The following ONECUT1 variants were observed in gnomAD, a reference collection of about 807,000 sequenced individuals.
ONECUT1 encodes the protein hepatocyte nuclear factor 6.
ONECUT1 carries 12 observed loss-of-function variants against 25.6 expected under a neutral mutation model. The observed-to-expected ratio is 0.47, with a 90% CI of 0.30 to 0.76. The LOEUF (loss-of-function observed/expected upper bound fraction) is 0.76, where lower values mean the gene tolerates loss of function less well. ONECUT1 is among the 30% of genes least tolerant of loss of function. The pLI, the probability that ONECUT1 is intolerant of heterozygous loss-of-function variation, is 0.07. For missense variants in ONECUT1, 620 were observed against 651.2 expected, an observed-to-expected ratio of 0.95 and a Z score of 0.52; for synonymous variants, 285 against 270.2, an observed-to-expected ratio of 1.05 and a Z score of -0.54.
intron 1 of ONECUT1, among the ~76,000 whole-genome samples, chr15:52,760,651 T>C (rs2083700575): frequency 6.6e-6 from 1 of 151,926 alleles, no homozygotes; most frequent in Admixed American, 6.6e-5. Flanking sequence ...TTGTGAAGGA[T>C]TGATAAGTAT....
At chr15:52,786,455 C>A (rs1172155326) in intron 1 of ONECUT1, among the ~76,000 whole-genome samples, 3 of 152,220 alleles carry the variant, frequency 2.0e-5, no homozygotes, top group Admixed American at 2.0e-4. Flanking sequence ...GCCTGCCCTG[C>A]TGGACTCTCC....
intron 1 of ONECUT1, among the ~76,000 whole-genome samples, chr15:52,775,083 G>A (rs1266471651): frequency 3.9e-5 from 6 of 151,924 alleles, no homozygotes; most frequent in African/African-American, 1.5e-4. Flanking sequence ...CCAGCTACTC[G>A]GGAGGCTGAG....
At chr15:52,772,705 C>T (rs1234537311) in intron 1 of ONECUT1, among the ~76,000 whole-genome samples, 1 of 152,168 alleles carries the variant, frequency 6.6e-6, no homozygotes, top group Non-Finnish European at 1.5e-5. Flanking sequence ...TCCTTATTAT[C>T]CACCGGGCTG....
rs1009046424 is a variant in ONECUT1, at chr15:52,789,991, C to G, written c.-107G>C. The G allele has an allele frequency of 5.0e-6, 7 of 1,402,292 alleles. No homozygotes were observed. The highest frequency in any genetic ancestry group is 6.5e-6 in the Non-Finnish European group (7 of 1,083,908). 86.9% of individuals were successfully genotyped at this position (1,402,292 alleles called of 1,614,324 possible). On this transcript the variant is annotated 5_prime_UTR_variant, in exon 1 of 2. Coordinates refer to ENST00000305901, the MANE Select transcript of ONECUT1 (RefSeq NM_004498.4). The surrounding 1 kb of genome is among the most constrained non-coding windows in gnomAD (Gnocchi z 4.1). The stretch of plus-strand genomic sequence containing the variant: ...CACATCGGCTGCTGGCGACTGTTGC[C>G]TTCCTTCCTCTCACTGTGGGGCTCT...
chr15:52,772,006 C>G (rs1193599181), intron 1 of ONECUT1, among the ~76,000 whole-genome samples: 1 of 152,156 alleles, frequency 6.6e-6, no homozygotes, highest in Non-Finnish European at 1.5e-5. Flanking sequence ...TTCTGTGGGA[C>G]TGGGCCCAGG....
At chr15:52,768,631 T>C (rs1158712027) in intron 1 of ONECUT1, among the ~76,000 whole-genome samples, 1 of 152,042 alleles carries the variant, frequency 6.6e-6, no homozygotes, top group East Asian at 1.9e-4. Context: ...TTTTTCTAAT[T>C]AATAGATGTA....
rs1596060565 is a variant in ONECUT1, at chr15:52,789,854, C to A, written c.31G>T (p.Gly11Cys). The change falls in exon 1 of 2, where the codon GGC becomes TGC. Residue 11 changes from glycine (G) to cysteine (C), a missense_variant. This residue lies in a region of ONECUT1 where 440 missense variants were observed against 404.9 expected (regional missense o/e 1.09). Coordinates refer to ENST00000305901, the MANE Select transcript of ONECUT1 (RefSeq NM_004498.4). The surrounding 1 kb of genome is among the most constrained non-coding windows in gnomAD (Gnocchi z 4.1). ...TCATGGCTCACCCCGTGCAGCTCGC[C>A]GATCGCTTCCATGGTCAGCTGCGCG... MNAQLTMEAI[G>C]ELHGVSHEPV... The A allele has an allele frequency of 1.3e-6, 2 of 1,543,016 alleles. No homozygotes were observed. The highest frequency in any genetic ancestry group is 1.7e-4 in the Middle Eastern group (1 of 5,864).
intron 1 of ONECUT1, among the ~76,000 whole-genome samples, chr15:52,761,797 G>C (rs1211446302): frequency 6.6e-6 from 1 of 152,214 alleles, no homozygotes; most frequent in Non-Finnish European, 1.5e-5. Flanking sequence ...GTATAGTCTG[G>C]AACATCTGCC....
At chr15:52,782,240 G>C (rs80227108) in intron 1 of ONECUT1, among the ~76,000 whole-genome samples, 1 of 152,110 alleles carries the variant, frequency 6.6e-6, no homozygotes, top group Non-Finnish European at 1.5e-5. Flanking sequence ...AACATCTCTT[G>C]GAAGAGACAT....
Position 52,788,232 on chromosome 15 carries a change from A to G in ONECUT1, c.1105+548T>C, listed in dbSNP as rs2141466509. 1 of 155,400 alleles carries G rather than the reference A, an allele frequency of 6.4e-6. No individual in the cohort carries two copies. The highest frequency in any genetic ancestry group is 2.4e-5 in the African/African-American group (1 of 41,562). The allele number at this position is 155,400 out of a possible 1,614,324, so 9.6% of individuals were successfully genotyped here. A position where few individuals can be genotyped will look rare whatever the true frequency, so the allele number is the denominator to read the frequency against. On this transcript the variant is annotated intron_variant, in intron 1 of 1. Coordinates refer to ENST00000305901, the MANE Select transcript of ONECUT1 (RefSeq NM_004498.4). The surrounding 1 kb of genome is among the most constrained non-coding windows in gnomAD (Gnocchi z 4.3). ...CCAATGGCTCTGAAACTTTTTGCCC[A>G]TACTCTTAGATTGAGGTCACCCCAG...
At chr15:52,763,149 A>C (rs1187680987) in intron 1 of ONECUT1, among the ~76,000 whole-genome samples, 5 of 146,538 alleles carry the variant, frequency 3.4e-5, no homozygotes, top group Non-Finnish European at 7.8e-5. Flanking sequence ...GGAGATGGCC[A>C]TTGTTGGTGA....
At chr15:52,765,067 A>G (rs1323811771) in intron 1 of ONECUT1, among the ~76,000 whole-genome samples, 3 of 152,048 alleles carry the variant, frequency 2.0e-5, no homozygotes, top group Non-Finnish European at 2.9e-5. Flanking sequence ...TGCTCAGGAG[A>G]GCTTGGGGCT....
Position 52,788,509 on chromosome 15 carries a change from C to G in ONECUT1, c.1105+271G>C, listed in dbSNP as rs531085123. On this transcript the variant is annotated intron_variant, in intron 1 of 1. Coordinates refer to ENST00000305901, the MANE Select transcript of ONECUT1 (RefSeq NM_004498.4). The surrounding 1 kb of genome is among the most constrained non-coding windows in gnomAD (Gnocchi z 4.3). ...CCTCAGGCCGTACGAGCTTCCCTCG[C>G]TGTCCCTGAGCGCAAATGAGCCTCT... is the stretch of plus-strand genomic sequence containing the variant. The G allele has an allele frequency of 2.2e-6, 1 of 447,312 alleles. No individual in the cohort carries two copies. Among genetic ancestry groups the G allele is most frequent in the East Asian group, 3.2e-5 (1 of 30,924 alleles). 27.7% of individuals were successfully genotyped at this position (447,312 alleles called of 1,614,324 possible).
chr15:52,788,027 TAAAAC>T lies in ONECUT1; in HGVS notation c.1105+748_1105+752del, dbSNP rs1254536019. ...AGACGAAAATCGCGAAGAGGAATAATAAAACAAAATGCAAAGTCCTCAGGGAGTCG... is the reference window on the plus strand; with the variant it reads ...AGACGAAAATCGCGAAGAGGAATAATAAAATGCAAAGTCCTCAGGGAGTCG... On this transcript the variant is annotated intron_variant, in intron 1 of 1. Transcript: ENST00000305901. This position sits in a 1 kb window ranked among gnomAD's most constrained non-coding sequence, Gnocchi z 4.3. 2 of 152,098 alleles carry T rather than the reference TAAAAC, an allele frequency of 1.3e-5. No homozygotes were observed. Among genetic ancestry groups the T allele is most frequent in the Non-Finnish European group, 2.9e-5 (2 of 68,054 alleles). The allele number at this position is 152,098 out of a possible 1,614,324, so 9.4% of individuals were successfully genotyped here.
intron 1 of ONECUT1, among the ~76,000 whole-genome samples, chr15:52,777,380 T>A (rs1040869621): frequency 1.3e-5 from 2 of 152,158 alleles, no homozygotes; most frequent in Non-Finnish European, 2.9e-5. Context: ...TCCAATCTGA[T>A]TTGCTCTTCT....
Position 52,770,955 on chromosome 15 carries a change from G to A in ONECUT1, c.1106-13108C>T, listed in dbSNP as rs191139522. 6.8e-3 allele frequency among the ~76,000 whole-genome samples: 1,038 copies of A among 152,268 alleles called. 19 individuals carry two copies. The highest frequency in any genetic ancestry group is 3.9e-3 in the Non-Finnish European group (268 of 68,012). ...TAATCCTCAATGTTGACAAGAATAA[G>A]GAGCAATAGGCACTTTTGATGGGAA... On this transcript the variant is annotated intron_variant, in intron 1 of 1. Transcript: ENST00000305901.
chr15:52,760,225 G>A (rs1023140230), intron 1 of ONECUT1, among the ~76,000 whole-genome samples: 2 of 152,052 alleles, frequency 1.3e-5, no homozygotes, highest in Non-Finnish European at 2.9e-5. Context: ...TCAGAGCCTC[G>A]AGTTATAGAC....
intron 1 of ONECUT1, among the ~76,000 whole-genome samples, chr15:52,766,994 T>G (rs1176996487): frequency 6.6e-6 from 1 of 151,906 alleles, no homozygotes; most frequent in Non-Finnish European, 1.5e-5. Flanking sequence ...CTGGGAGGGG[T>G]GGACAGCATC....
chr15:52,790,032 T>TCTCTCC lies in ONECUT1; in HGVS notation c.-154_-149dup. On this transcript the variant is annotated 5_prime_UTR_variant, in exon 1 of 2. Coordinates refer to ENST00000305901, the MANE Select transcript of ONECUT1 (RefSeq NM_004498.4). ...GTGGGGCTCTGTCTCTCTCTCTCTC[T>TCTCTCC]CTCTCCGTGTGTGTGTGTCCGTGTG... 1 of 1,255,420 alleles carries TCTCTCC rather than the reference T, an allele frequency of 8.0e-7. No homozygotes were observed. Among genetic ancestry groups the TCTCTCC allele is most frequent in the Non-Finnish European group, 1.0e-6 (1 of 975,658 alleles). 77.8% of individuals were successfully genotyped at this position (1,255,420 alleles called of 1,614,324 possible).
Sources: gnomAD v4.1 joint callset for allele counts (sites outside exome capture counted in the v4.1 genomes callset) on GRCh38, gnomAD v4.1.1 for gene constraint, gnomAD v4.1.1 regional missense constraint, Gnocchi (gnomAD v3.1) non-coding constraint, MANE v1.5 for transcripts, NCBI Gene and HGNC (gene_info 2026-07-23, HGNC 2026-07-21) for gene names.